Variants in SGCZ observed in about 807,000 individuals in gnomAD.
SGCZ encodes sarcoglycan zeta.
SGCZ carries 40 observed loss-of-function variants against 41.3 expected under a neutral mutation model. The observed-to-expected ratio is 0.97, with a 90% CI of 0.75 to 1.26. SGCZ has a LOEUF of 1.26. Ranked by LOEUF, SGCZ falls within the 50% of genes most tolerant of loss-of-function variation. SGCZ has a pLI of 0.00. For synonymous variants in SGCZ, 206 were observed against 137.5 expected (o/e 1.50, Z -3.49); for missense variants, 552 against 369.8 (o/e 1.49, Z -4.04).
intron 5 of SGCZ, among the ~76,000 whole-genome samples, chr8:14,128,967 C>A (rs997077917): frequency 1.5e-4 from 23 of 152,060 alleles, no homozygotes; most frequent in African/African-American, 5.6e-4. Flanking sequence ...TGAAATCCTA[C>A]CTATTTGGTA....
chr8:14,776,136 T>C (rs1585250821), intron 1 of SGCZ, among the ~76,000 whole-genome samples: 2 of 152,156 alleles, frequency 1.3e-5, no homozygotes, highest in South Asian at 2.1e-4. Context: ...ATTTAAAATG[T>C]GGTGATTTGA....
chr8:14,778,872 G>C (rs1379212413), intron 1 of SGCZ, among the ~76,000 whole-genome samples: 1 of 152,158 alleles, frequency 6.6e-6, no homozygotes, highest in African/African-American at 2.4e-5. Flanking sequence ...AGCATTCCTG[G>C]AGTGTAAAGT....
chr8:14,604,445 A>T (rs1805684747), intron 1 of SGCZ, among the ~76,000 whole-genome samples: 3 of 152,066 alleles, frequency 2.0e-5, no homozygotes, highest in Non-Finnish European at 4.4e-5. Context: ...TGTGCACTAG[A>T]GCTTGAAATA....
chr8:15,154,322 C>A (rs1799266219), intron 1 of SGCZ, among the ~76,000 whole-genome samples: 1 of 152,096 alleles, frequency 6.6e-6, no homozygotes. Context: ...AGCAGCAGAC[C>A]CTACATGAAA....
intron 7 of SGCZ, among the ~76,000 whole-genome samples, chr8:14,096,925 T>G (rs117525471): frequency 0.19 from 28,309 of 152,136 alleles, 3,906 homozygotes; most frequent in East Asian, 0.71. Flanking sequence ...GTAGTTTGTA[T>G]TACTGTGGGA....
chr8:14,101,003 C>A (rs1014746804), intron 7 of SGCZ, among the ~76,000 whole-genome samples: 1 of 151,878 alleles, frequency 6.6e-6, no homozygotes, highest in Non-Finnish European at 1.5e-5. Context: ...CTGTCAAGAA[C>A]TTTCAAAATT....
At chr8:14,696,391 C>T (rs7837805) in intron 1 of SGCZ, among the ~76,000 whole-genome samples, 53,384 of 151,894 alleles carry the variant, frequency 0.35, 11,796 homozygotes, top group African/African-American at 0.63. Context: ...AGAGCGAAAG[C>T]CCACTGATAA....
At position 14,694,081 on chromosome 8, in the gene SGCZ, A is replaced by G. The variant is rs1171908949; in HGVS notation, c.40-139155T>C. ...ACAGAGCAAAAATCTACTTATATTA[A>G]TATTTGGGGAAATCATGTCTTAAAA... On this transcript the variant is annotated intron_variant, in intron 1 of 7. Coordinates refer to ENST00000382080, the MANE Select transcript of SGCZ (RefSeq NM_139167.4). Among the ~76,000 whole-genome samples the G allele has an allele frequency of 2.6e-5, 4 of 152,126 alleles. No homozygotes were observed. The East Asian group carries it at 7.7e-4, about 29-fold the overall frequency.
intron 1 of SGCZ, among the ~76,000 whole-genome samples, chr8:14,909,851 A>T (rs1377956890): frequency 6.6e-6 from 1 of 152,090 alleles, no homozygotes; most frequent in Non-Finnish European, 1.5e-5. Flanking sequence ...ACAACTCTCC[A>T]TGGTGTTCTT....
chr8:14,894,455 G>C (rs956135150), intron 1 of SGCZ, among the ~76,000 whole-genome samples: 6 of 152,128 alleles, frequency 3.9e-5, no homozygotes, highest in Non-Finnish European at 1.5e-5. Flanking sequence ...AAATCTGTCA[G>C]TATCCCCTTA....
Position 14,831,598 on chromosome 8 carries a change from T to TTGTG in SGCZ, c.40-276676_40-276673dup, listed in dbSNP as rs113673802. Among the ~76,000 whole-genome samples the TTGTG allele has an allele frequency of 5.3e-3, 791 of 149,898 alleles. 3 individuals carry two copies. The highest frequency in any genetic ancestry group is 6.4e-3 in the African/African-American group (262 of 40,800). ...CTCCTAAACATGTCTACAAGTGTGTTTGTGTGTGTGTGTGTGTGTACACAT... is the reference window on the plus strand; with the variant it reads ...CTCCTAAACATGTCTACAAGTGTGTTTGTGTGTGTGTGTGTGTGTGTGTACACAT... On this transcript the variant is annotated intron_variant, in intron 1 of 7. Coordinates refer to ENST00000382080, the MANE Select transcript of SGCZ (RefSeq NM_139167.4).
chr8:15,126,979 C>T (rs922293710), intron 1 of SGCZ, among the ~76,000 whole-genome samples: 5 of 152,204 alleles, frequency 3.3e-5, no homozygotes, highest in South Asian at 2.1e-4. Context: ...ATCTCTTTGA[C>T]GTCCATGCAC....
At chr8:15,183,432 A>G (rs1018210976) in intron 1 of SGCZ, among the ~76,000 whole-genome samples, 2 of 152,216 alleles carry the variant, frequency 1.3e-5, no homozygotes, top group East Asian at 3.9e-4. Context: ...TGGTATCACC[A>G]TGGTATATGT....
At chr8:15,128,699 C>A (rs893960133) in intron 1 of SGCZ, among the ~76,000 whole-genome samples, 8 of 152,190 alleles carry the variant, frequency 5.3e-5, no homozygotes, top group Admixed American at 4.6e-4. Flanking sequence ...CACATGTCCC[C>A]ACAAAACTTA....
At chr8:14,164,107 C>A (rs1171129597) in intron 5 of SGCZ, among the ~76,000 whole-genome samples, 1 of 152,030 alleles carries the variant, frequency 6.6e-6, no homozygotes, top group Non-Finnish European at 1.5e-5. Context: ...ATGTGTATAG[C>A]ATTAGTTTTT....
intron 5 of SGCZ, among the ~76,000 whole-genome samples, chr8:14,151,887 A>G (rs1468888819): frequency 6.6e-6 from 1 of 152,088 alleles, no homozygotes; most frequent in Non-Finnish European, 1.5e-5. Context: ...TACACAACAG[A>G]AAAAAGCAAA....
chr8:14,927,332 A>AC (rs776241661), intron 1 of SGCZ, among the ~76,000 whole-genome samples: 2 of 151,566 alleles, frequency 1.3e-5, no homozygotes, highest in Non-Finnish European at 2.9e-5. Flanking sequence ...GATGGTGTCG[A>AC]TTTCCTGTCC....
chr8:14,617,973 A>T (rs1044008265), intron 1 of SGCZ, among the ~76,000 whole-genome samples: 2 of 152,076 alleles, frequency 1.3e-5, no homozygotes, highest in Non-Finnish European at 2.9e-5. Flanking sequence ...TCCCTGTTAC[A>T]ACTAAAAGTC....
At chr8:14,583,698 G>A (rs1804969346) in intron 1 of SGCZ, among the ~76,000 whole-genome samples, 1 of 152,044 alleles carries the variant, frequency 6.6e-6, no homozygotes, top group South Asian at 2.1e-4. Flanking sequence ...GAGTAGAGAT[G>A]AAAAATCTTC....
Sources: gnomAD v4.1 joint callset for allele counts (sites outside exome capture counted in the v4.1 genomes callset) on GRCh38, gnomAD v4.1.1 for gene constraint, MANE v1.5 for transcripts, NCBI Gene and HGNC (gene_info 2026-07-23, HGNC 2026-07-21) for gene names.